Variants in LRIG1 observed in about 807,000 individuals in gnomAD.
LRIG1 encodes leucine rich repeats and immunoglobulin like domains 1, also known as leucine-rich repeats and immunoglobulin-like domains protein 1.
A neutral mutation model predicts 99.2 loss-of-function variants in LRIG1; 48 were observed. The observed-to-expected ratio is 0.48, with a 90% confidence interval of 0.38 to 0.62. LRIG1 has a LOEUF of 0.62. Among genes scored for constraint, LRIG1 ranks in the 20% least tolerant of loss-of-function variants. The pLI is 0.00. For synonymous variants in LRIG1, 772 were observed against 596.1 expected (o/e 1.29, Z -4.30); for missense variants, 1,646 against 1,434.4 (o/e 1.15, Z -2.38).
At chr3:66,413,093 A>G in intron 5 of LRIG1, 79 bp from the exon 6 acceptor site, 1 of 1,532,706 alleles carries the variant, frequency 6.5e-7, no homozygotes. Context: ...AGTCCTGGCT[A>G]AGTTTCCAAG....
chr3:66,444,428 C>T (rs1335206056), intron 3 of LRIG1, among the ~76,000 whole-genome samples: 1 of 152,212 alleles, frequency 6.6e-6, no homozygotes, highest in Non-Finnish European at 1.5e-5. Context: ...CCCCACTGTC[C>T]CAAACAAATG....
chr3:66,492,158 G>C (rs1173834262), intron 1 of LRIG1, among the ~76,000 whole-genome samples: 1 of 152,172 alleles, frequency 6.6e-6, no homozygotes, highest in Non-Finnish European at 1.5e-5. Flanking sequence ...AAGAGCACTG[G>C]AACTACAAGA....
At chr3:66,433,381 A>G (rs1703243222) in intron 3 of LRIG1, among the ~76,000 whole-genome samples, 1 of 152,222 alleles carries the variant, frequency 6.6e-6, no homozygotes, top group Non-Finnish European at 1.5e-5. Flanking sequence ...CTGCAGCGCT[A>G]AAGCTCCCTC....
intron 9 of LRIG1, among the ~76,000 whole-genome samples, chr3:66,400,506 A>G (rs1702012517): frequency 6.6e-6 from 1 of 152,200 alleles, no homozygotes; most frequent in Non-Finnish European, 1.5e-5. Context: ...GGTGATTCTC[A>G]GCGTCAACAG....
At chr3:66,489,257 C>T (rs559222589) in intron 1 of LRIG1, among the ~76,000 whole-genome samples, 2 of 152,306 alleles carry the variant, frequency 1.3e-5, no homozygotes, top group South Asian at 4.1e-4. Context: ...AGCATGGTAG[C>T]TCACATCTGT....
intron 3 of LRIG1, among the ~76,000 whole-genome samples, chr3:66,428,996 G>A (rs1310256784): frequency 6.6e-6 from 1 of 152,228 alleles, no homozygotes; most frequent in Non-Finnish European, 1.5e-5. Flanking sequence ...TAAAAAACAA[G>A]AGCAGCCCAG....
At chr3:66,408,962 G>GTGTGTGTGTGTGTGTGTGTGT (rs1553715390) in intron 7 of LRIG1, among the ~76,000 whole-genome samples, 19 of 103,078 alleles carry the variant, frequency 1.8e-4, no homozygotes, top group East Asian at 1.3e-3. Flanking sequence ...GTGTGTGTGT[G>GTGTGTGTGTGTGTGTGTGTGT]GTGGGGGGAG....
In LRIG1 at chr3:66,428,194, T is replaced by C. The variant is rs187976983; in HGVS notation, c.366-10928A>G. Among the ~76,000 whole-genome samples the C allele has an allele frequency of 4.8e-3, 732 of 152,304 alleles. 2 individuals are homozygous for C. The highest frequency in any genetic ancestry group is 7.6e-3 in the Non-Finnish European group (517 of 68,018). On this transcript the variant is annotated intron_variant, in intron 3 of 18. Transcript: ENST00000273261. ...GGAATTGCTACTCAGGTCATTGAGCTTGCATATGTCTGGCCTTAGCAGACA... is the reference window on the plus strand; with the variant it reads ...GGAATTGCTACTCAGGTCATTGAGCCTGCATATGTCTGGCCTTAGCAGACA...
intron 12 of LRIG1, among the ~76,000 whole-genome samples, chr3:66,392,721 C>T (rs1288381093): frequency 6.6e-6 from 1 of 152,144 alleles, no homozygotes; most frequent in Non-Finnish European, 1.5e-5. Context: ...TACCAAAGTC[C>T]TACCTGGCTC....
intron 2 of LRIG1, among the ~76,000 whole-genome samples, chr3:66,453,602 T>C (rs1422218228): frequency 4.6e-5 from 7 of 152,244 alleles, no homozygotes; most frequent in Admixed American, 4.6e-4. Context: ...CCAGGTTAAC[T>C]ACTACCATTC....
At chr3:66,448,482 T>C (rs1003459763) in intron 3 of LRIG1, among the ~76,000 whole-genome samples, 2 of 152,214 alleles carry the variant, frequency 1.3e-5, no homozygotes, top group Non-Finnish European at 2.9e-5. Context: ...ACTATGTCTT[T>C]TGTGACATTA....
intron 6 of LRIG1, 45 bp downstream of exon 6, chr3:66,412,826 C>T (rs1433523691): frequency 1.2e-6 from 2 of 1,604,438 alleles, no homozygotes; most frequent in African/African-American, 1.3e-5. Context: ...CACACCACAC[C>T]GCACAGCAAT....
At chr3:66,465,952 T>C (rs1428876640) in intron 1 of LRIG1, among the ~76,000 whole-genome samples, 1 of 152,220 alleles carries the variant, frequency 6.6e-6, no homozygotes, top group Non-Finnish European at 1.5e-5. Context: ...TGGTAGATTA[T>C]AGAATATTTG....
At chr3:66,472,220 C>T (rs560782512) in intron 1 of LRIG1, among the ~76,000 whole-genome samples, 1 of 139,504 alleles carries the variant, frequency 7.2e-6, no homozygotes, top group East Asian at 2.2e-4. Context: ...AGGAGAATGG[C>T]GAGAACCCGG....
chr3:66,406,590 C>G (rs1702276579), intron 8 of LRIG1, among the ~76,000 whole-genome samples: 1 of 152,144 alleles, frequency 6.6e-6, no homozygotes, highest in African/African-American at 2.4e-5. Flanking sequence ...GAAGGAGACC[C>G]TAGAACCCGC....
chr3:66,395,053 C>T (rs1701790845), intron 11 of LRIG1, among the ~76,000 whole-genome samples: 1 of 152,192 alleles, frequency 6.6e-6, no homozygotes, highest in East Asian at 1.9e-4. Flanking sequence ...ACATTCCTTC[C>T]TGAGGAGTCA....
In LRIG1 at chr3:66,384,235, G is replaced by A. The variant is rs768794170; in HGVS notation, c.1827C>T (p.Thr609=). 6.8e-6 allele frequency: 11 copies of A among 1,613,320 alleles called. No individual in the cohort carries two copies. Among genetic ancestry groups the A allele is most frequent in the African/African-American group, 6.7e-5 (5 of 74,884 alleles). ...GGCGGGCCATGGTGGTGGTCCGGAT[G>A]GTTATGTCGTGGGGCGTTTTGGTGA... ...PSFTKTPHDI[T]IRTTTMARLE... is the part of the protein sequence containing the mutation. Residue 609 remains threonine, a synonymous_variant, in exon 14 of 19, where the codon ACC becomes ACT. Coordinates refer to ENST00000273261, the MANE Select transcript of LRIG1 (RefSeq NM_015541.3).
intron 1 of LRIG1, among the ~76,000 whole-genome samples, chr3:66,462,836 C>T (rs1348913509): frequency 6.6e-6 from 1 of 152,076 alleles, no homozygotes; most frequent in Non-Finnish European, 1.5e-5. Context: ...TGCTTTGCAC[C>T]CTATCAAGTA....
intron 9 of LRIG1, among the ~76,000 whole-genome samples, chr3:66,399,798 GCCA>G (rs1465481446): frequency 6.6e-6 from 1 of 152,114 alleles, no homozygotes; most frequent in Non-Finnish European, 1.5e-5. Flanking sequence ...CCCCCAAACT[GCCA>G]CCCACTTCTG....
Sources: gnomAD v4.1 joint callset for allele counts (sites outside exome capture counted in the v4.1 genomes callset) on GRCh38, gnomAD v4.1.1 for gene constraint, MANE v1.5 for transcripts, NCBI Gene and HGNC (gene_info 2026-07-23, HGNC 2026-07-21) for gene names.